The following ABCA4 variants were observed in gnomAD, a reference collection of about 807,000 sequenced individuals.
ABCA4 encodes retinal-specific phospholipid-transporting ATPase ABCA4.
A neutral mutation model predicts 263.7 loss-of-function variants in ABCA4; 196 were observed. The observed-to-expected ratio is 0.74, with a 90% CI of 0.66 to 0.84. ABCA4 has a LOEUF of 0.84. Ranked by LOEUF, ABCA4 falls within the 40% of genes least tolerant of loss-of-function variation. The pLI is 0.00. For synonymous variants in ABCA4, 1,133 were observed against 1,094.2 expected (o/e 1.04, Z -0.70); for missense variants, 2,792 against 2,855.1 (o/e 0.98, Z 0.50).
intron 24 of ABCA4, among the ~76,000 whole-genome samples, chr1:94,039,682 G>T (rs1175877966): frequency 6.6e-6 from 1 of 152,208 alleles, no homozygotes; most frequent in Non-Finnish European, 1.5e-5. Flanking sequence ...GCATCACCAT[G>T]CTTCCACTAG....
intron 1 of ABCA4, among the ~76,000 whole-genome samples, chr1:94,113,289 C>G (rs1292861236): frequency 2.6e-5 from 4 of 152,312 alleles, no homozygotes; most frequent in Non-Finnish European, 2.9e-5. Flanking sequence ...GGGTTCCACT[C>G]TGCCTCTATT....
chr1:94,095,936 A>T (rs187979599), intron 6 of ABCA4, among the ~76,000 whole-genome samples: 10 of 151,670 alleles, frequency 6.6e-5, no homozygotes, highest in Admixed American at 2.0e-4. Context: ...GAGGCCGACT[A>T]CGGCAGAGCT....
In ABCA4 at chr1:94,000,860, C is replaced by T; in HGVS notation, c.6455G>A (p.Gly2152Asp). The change falls in exon 47 of 50, where the codon GGC becomes GAC. Residue 2152 changes from glycine to aspartate, a missense_variant. Coordinates refer to ENST00000370225, the MANE Select transcript of ABCA4 (RefSeq NM_000350.3). ...IMVKGAFRCM[G>D]TIQHLKSKFG... is the part of the protein sequence containing the mutation. ...CTTGGACTTGAGATGCTGAATGGTG[C>T]CCATACATCGAAAGGCGCCCTTTAC... The T allele has an allele frequency of 6.2e-7, 1 of 1,614,176 alleles. No individual in the cohort carries two copies. The highest frequency in any genetic ancestry group is 8.5e-7 in the Non-Finnish European group (1 of 1,180,028).
At chr1:94,002,329 T>C (rs1659213806) in intron 44 of ABCA4, among the ~76,000 whole-genome samples, 1 of 152,176 alleles carries the variant, frequency 6.6e-6, no homozygotes, top group South Asian at 2.1e-4. Flanking sequence ...AAGGCTCTGT[T>C]TGAGAAGATG....
intron 4 of ABCA4, among the ~76,000 whole-genome samples, chr1:94,108,038 A>C (rs1570430328): frequency 1.3e-5 from 2 of 151,206 alleles, no homozygotes; most frequent in South Asian, 2.1e-4. Flanking sequence ...CTCCATACAC[A>C]CCCCCAGCCC....
chr1:94,077,530 G>A (rs1305437532), intron 11 of ABCA4, among the ~76,000 whole-genome samples, 160 bp downstream of exon 11: 3 of 152,226 alleles, frequency 2.0e-5, no homozygotes, highest in Non-Finnish European at 2.9e-5. Context: ...TGGATAAGCT[G>A]TTAGAGAATG....
intron 47 of ABCA4, among the ~76,000 whole-genome samples, chr1:93,999,183 T>C (rs1345622539): frequency 6.6e-6 from 1 of 151,552 alleles, no homozygotes; most frequent in Non-Finnish European, 1.5e-5. Flanking sequence ...GTAGGTGGGA[T>C]TACAGGTGCA....
At chr1:94,008,962 T>A in intron 40 of ABCA4, 91 bp from the exon 41 acceptor site, 1 of 1,549,836 alleles carries the variant, frequency 6.5e-7, no homozygotes, top group East Asian at 2.3e-5. Context: ...CTTCCTTGCT[T>A]CTGCTTCCTT....
intron 11 of ABCA4, among the ~76,000 whole-genome samples, chr1:94,063,623 T>C (rs918467309): frequency 2.0e-5 from 3 of 152,188 alleles, no homozygotes; most frequent in Non-Finnish European, 4.4e-5. Context: ...ACAAAAATAC[T>C]CCAGGCTTTT....
intron 38 of ABCA4, 91 bp downstream of exon 38, chr1:94,014,452 C>G (rs1229909120): frequency 2.8e-6 from 4 of 1,446,952 alleles, no homozygotes; most frequent in Non-Finnish European, 3.9e-6. Context: ...ACAGCTGCTA[C>G]ATGTACGATG....
chr1:94,086,873 T>A (rs902658896), intron 6 of ABCA4, among the ~76,000 whole-genome samples: 1 of 152,190 alleles, frequency 6.6e-6, no homozygotes, highest in African/African-American at 2.4e-5. Flanking sequence ...AGATCAGCAC[T>A]GTCTTAGTTC....
At position 94,080,575 on chromosome 1, in the gene ABCA4, C is replaced by G. The variant is rs751548532; in HGVS notation, c.1002G>C (p.Val334=). 4 of 1,614,164 alleles carry G rather than the reference C, an allele frequency of 2.5e-6. No individual in the cohort carries two copies. The highest frequency in any genetic ancestry group is 3.4e-6 in the Non-Finnish European group (4 of 1,180,030). The part of the protein sequence containing the change: ...CGYPEGGGSR[V]LSFNWYEDNN... Reference sequence around the variant, plus strand: ...TGTCTTCATACCAGTTGAAGGAGAGCACCCGAGAGCCACCTCCCTCGGGGT... The same window carrying G: ...TGTCTTCATACCAGTTGAAGGAGAGGACCCGAGAGCCACCTCCCTCGGGGT... The change falls in exon 8 of 50, where the codon GTG becomes GTC. Residue 334 remains valine, a synonymous_variant. Transcript: ENST00000370225.
intron 5 of ABCA4, among the ~76,000 whole-genome samples, chr1:94,102,163 G>A (rs1264338396): frequency 1.3e-5 from 2 of 152,204 alleles, no homozygotes; most frequent in Non-Finnish European, 1.5e-5. Context: ...GGATGTGCAA[G>A]TCGTGAGTTA....
chr1:94,096,926 G>C (rs1194125285), intron 6 of ABCA4, among the ~76,000 whole-genome samples: 2 of 152,176 alleles, frequency 1.3e-5, no homozygotes, highest in Non-Finnish European at 2.9e-5. Flanking sequence ...ATTCTACAAA[G>C]CATGCGGGCC....
At chr1:94,075,893 A>C (rs1177964503) in intron 11 of ABCA4, among the ~76,000 whole-genome samples, 1 of 152,150 alleles carries the variant, frequency 6.6e-6, no homozygotes, top group Non-Finnish European at 1.5e-5. Context: ...TCAACAGCCA[A>C]CTCTAATCTA....
At chr1:94,108,526 C>G in intron 4 of ABCA4, 51 bp downstream of exon 4, 1 of 1,610,650 alleles carries the variant, frequency 6.2e-7, no homozygotes, top group Non-Finnish European at 8.5e-7. Flanking sequence ...TATCTTCAGT[C>G]TCTCCATAGG....
intron 43 of ABCA4, among the ~76,000 whole-genome samples, chr1:94,006,339 G>A (rs1659385415): frequency 6.6e-6 from 1 of 152,154 alleles, no homozygotes; most frequent in African/African-American, 2.4e-5. Flanking sequence ...TTCCAAATTA[G>A]TGGGAGCTAC....
chr1:94,112,425 C>A (rs1328029333), intron 2 of ABCA4, among the ~76,000 whole-genome samples: 1 of 152,130 alleles, frequency 6.6e-6, no homozygotes. Context: ...AAACTAGCAA[C>A]AACAAAGCAA....
chr1:94,043,923 T>C (rs1259169866), intron 20 of ABCA4, among the ~76,000 whole-genome samples: 2 of 152,218 alleles, frequency 1.3e-5, no homozygotes, highest in African/African-American at 4.8e-5. Context: ...CGGTTATCTC[T>C]GAGTAGTGAA....
Sources: gnomAD v4.1 joint callset for allele counts (sites outside exome capture counted in the v4.1 genomes callset) on GRCh38, gnomAD v4.1.1 for gene constraint, MANE v1.5 for transcripts, NCBI Gene and HGNC (gene_info 2026-07-23, HGNC 2026-07-21) for gene names.